Variants in RPS6KC1 observed in about 807,000 individuals in gnomAD.
RPS6KC1 encodes the protein inactive ribosomal protein S6 kinase delta-1.
A neutral mutation model predicts 103.8 loss-of-function variants in RPS6KC1; 54 were observed. That is an observed-to-expected ratio of 0.52 (90% CI 0.42 to 0.65). The LOEUF (loss-of-function observed/expected upper bound fraction) is 0.65, where lower values mean the gene tolerates loss of function less well. Ranked by LOEUF, RPS6KC1 falls within the 30% of genes least tolerant of loss-of-function variation. The pLI is 0.00. For missense variants in RPS6KC1, 1,151 were observed against 1,253.8 expected (o/e 0.92, Z 1.24); for synonymous variants, 439 against 438.7 (o/e 1.00, Z -0.01).
chr1:213,175,399 A>T (rs1423036592), intron 7 of RPS6KC1, among the ~76,000 whole-genome samples: 1 of 152,232 alleles, frequency 6.6e-6, no homozygotes, highest in Non-Finnish European at 1.5e-5. Context: ...TCATAGGGTC[A>T]GAATGTTTCC....
intron 12 of RPS6KC1, among the ~76,000 whole-genome samples, chr1:213,252,813 G>A (rs2094568353): frequency 6.6e-6 from 1 of 152,118 alleles, no homozygotes; most frequent in South Asian, 2.1e-4. Flanking sequence ...TATGGATCTT[G>A]TGGCCTTAAA....
At chr1:213,678,789 T>C in the RPS6KC1 span, among the ~76,000 whole-genome samples, 1 of 152,186 alleles carries the variant, frequency 6.6e-6, no homozygotes, top group Admixed American at 6.5e-5. Context: ...ATTTAATCTT[T>C]ACTTGGGAGT....
chr1:213,585,246 C>G, the RPS6KC1 span, among the ~76,000 whole-genome samples: 3 of 152,146 alleles, frequency 2.0e-5, no homozygotes, highest in Non-Finnish European at 4.4e-5. Flanking sequence ...GCTCTCATTC[C>G]CTAGCCCCAT....
At chr1:213,409,113 T>C in the RPS6KC1 span, among the ~76,000 whole-genome samples, 1 of 152,130 alleles carries the variant, frequency 6.6e-6, no homozygotes, top group Non-Finnish European at 1.5e-5. Flanking sequence ...GATTCACTGC[T>C]TTCCGTTCAA....
At chr1:213,778,703 C>A in the RPS6KC1 span, among the ~76,000 whole-genome samples, 35 of 152,154 alleles carry the variant, frequency 2.3e-4, no homozygotes, top group South Asian at 8.3e-4. Context: ...CAGTGAGATC[C>A]AAGAAGTGCA....
At chr1:213,789,809 T>C in the RPS6KC1 span, among the ~76,000 whole-genome samples, 129 of 152,278 alleles carry the variant, frequency 8.5e-4, no homozygotes, top group African/African-American at 3.0e-3. Flanking sequence ...CCTAATGCCA[T>C]CCATATTCGC....
the RPS6KC1 span, among the ~76,000 whole-genome samples, chr1:213,361,071 A>G: frequency 3.3e-5 from 5 of 152,032 alleles, no homozygotes; most frequent in Middle Eastern, 3.4e-3. Context: ...GAGAACCACT[A>G]CTCTCTTCAG....
At chr1:213,574,432 G>A in the RPS6KC1 span, among the ~76,000 whole-genome samples, 1 of 152,186 alleles carries the variant, frequency 6.6e-6, no homozygotes, top group South Asian at 2.1e-4. Flanking sequence ...TCTAATGGTA[G>A]AATTTTAGTC....
the RPS6KC1 span, among the ~76,000 whole-genome samples, chr1:213,458,224 C>G: frequency 6.6e-6 from 1 of 152,150 alleles, no homozygotes; most frequent in Non-Finnish European, 1.5e-5. Flanking sequence ...AAGTTTAGCT[C>G]CCACTTATAA....
intron 1 of RPS6KC1, among the ~76,000 whole-genome samples, chr1:213,058,480 G>T (rs2077540378): frequency 6.6e-6 from 1 of 151,406 alleles, no homozygotes; most frequent in Non-Finnish European, 1.5e-5. Context: ...AGGTTTGGGT[G>T]AAGGTTCTGT....
intron 4 of RPS6KC1, among the ~76,000 whole-genome samples, chr1:213,114,880 G>A (rs1287401660): frequency 2.6e-5 from 4 of 152,188 alleles, no homozygotes; most frequent in African/African-American, 9.7e-5. Flanking sequence ...TATTGAACCA[G>A]CCTTGCATCT....
the RPS6KC1 span, among the ~76,000 whole-genome samples, chr1:213,693,155 C>T: frequency 2.0e-5 from 3 of 152,210 alleles, no homozygotes; most frequent in Admixed American, 2.0e-4. Flanking sequence ...TTCCTTCAAT[C>T]TATTCTCAGC....
chr1:213,406,339 G>A, the RPS6KC1 span, among the ~76,000 whole-genome samples: 2 of 152,160 alleles, frequency 1.3e-5, no homozygotes, highest in African/African-American at 2.4e-5. Context: ...TTTTTCAGTT[G>A]CATTTTTTTC....
At chr1:213,385,518 T>G in the RPS6KC1 span, among the ~76,000 whole-genome samples, 1 of 152,246 alleles carries the variant, frequency 6.6e-6, no homozygotes, top group South Asian at 2.1e-4. Context: ...GTGGAGGATG[T>G]TATAGGCAAA....
chr1:213,178,664 T>C (rs2092055212), intron 8 of RPS6KC1, among the ~76,000 whole-genome samples: 1 of 152,196 alleles, frequency 6.6e-6, no homozygotes, highest in Non-Finnish European at 1.5e-5. Context: ...GTACTGTCTT[T>C]ACTTACTCTG....
the RPS6KC1 span, among the ~76,000 whole-genome samples, chr1:213,799,458 C>G: frequency 6.6e-6 from 1 of 152,188 alleles, no homozygotes; most frequent in African/African-American, 2.4e-5. Context: ...TGGGAATGGG[C>G]TGGACGCTGG....
At chr1:213,379,691 G>T in the RPS6KC1 span, among the ~76,000 whole-genome samples, 1 of 152,114 alleles carries the variant, frequency 6.6e-6, no homozygotes, top group East Asian at 1.9e-4. Flanking sequence ...CTCTCTTCCT[G>T]GTGCCTTCCT....
At chr1:213,168,067 A>G in intron 7 of RPS6KC1, 94 bp downstream of exon 7, 1 of 666,346 alleles carries the variant, frequency 1.5e-6, no homozygotes, top group Non-Finnish European at 2.4e-6. Flanking sequence ...TAGGATTTTG[A>G]TTTTTTGAAT....
the RPS6KC1 span, among the ~76,000 whole-genome samples, chr1:213,842,413 C>G: frequency 3.3e-5 from 5 of 152,308 alleles, no homozygotes; most frequent in African/African-American, 1.2e-4. Context: ...CACTGGCTAA[C>G]TGGCAGTGAG....
Sources: gnomAD v4.1 joint callset for allele counts (sites outside exome capture counted in the v4.1 genomes callset) on GRCh38, gnomAD v4.1.1 for gene constraint, MANE v1.5 for transcripts, NCBI Gene and HGNC (gene_info 2026-07-23, HGNC 2026-07-21) for gene names.